PARD3B: variants seen among roughly 807,000 people sequenced by gnomAD.
The protein encoded by PARD3B is partitioning defective 3 homolog B.
PARD3B carries 103 observed loss-of-function variants against 130.2 expected under a neutral mutation model. The ratio of observed to expected loss-of-function variants is 0.79; its 90% CI spans 0.67 to 0.93. The LOEUF is 0.93. PARD3B is among the 40% of genes least tolerant of loss of function. The pLI, the probability that PARD3B is intolerant of heterozygous loss-of-function variation, is 0.00. For synonymous variants in PARD3B, 583 were observed against 553.2 expected (o/e 1.05, Z -0.76); for missense variants, 1,609 against 1,499.2 (o/e 1.07, Z -1.21).
intron 1 of PARD3B, among the ~76,000 whole-genome samples, chr2:204,676,262 A>C (rs1220983214): frequency 6.6e-6 from 1 of 151,926 alleles, no homozygotes; most frequent in East Asian, 1.9e-4. Flanking sequence ...TTTACCTTGG[A>C]GATGAAAGAC....
chr2:205,482,120 C>T (rs765368907), intron 20 of PARD3B, among the ~76,000 whole-genome samples: 1 of 152,052 alleles, frequency 6.6e-6, no homozygotes, highest in African/African-American at 2.4e-5. Flanking sequence ...ATATGAAATG[C>T]GAGGGAATAG....
chr2:204,787,641 G>A (rs1168738332), intron 2 of PARD3B, among the ~76,000 whole-genome samples: 1 of 152,156 alleles, frequency 6.6e-6, no homozygotes, highest in East Asian at 1.9e-4. Flanking sequence ...GCCAATTCAT[G>A]TTCAGGTATC....
Position 205,530,714 on chromosome 2 carries a change from A to G in PARD3B, c.3181-22610A>G, listed in dbSNP as rs2051554092. On this transcript the variant is annotated intron_variant, in intron 21 of 22. Coordinates refer to ENST00000406610, the MANE Select transcript of PARD3B (RefSeq NM_001302769.2). The surrounding 1 kb of genome is among the most constrained non-coding windows in gnomAD (Gnocchi z 4.7). ...GGATTCCTTTCTTTCATAATCCCCT[A>G]CAAAGTGTTGCACATGCTTCCACTG... Among the ~76,000 whole-genome samples the G allele has an allele frequency of 6.6e-6, 1 of 151,550 alleles. No homozygotes were observed. Among genetic ancestry groups the G allele is most frequent in the Admixed American group, 6.6e-5 (1 of 15,246 alleles).
chr2:205,324,867 AC>A (rs2042885421), intron 18 of PARD3B, among the ~76,000 whole-genome samples: 1 of 152,108 alleles, frequency 6.6e-6, no homozygotes, highest in African/African-American at 2.4e-5. Context: ...GTCCGTAGGT[AC>A]CCCAAAATCA....
rs944410342 is a variant in PARD3B, at chr2:205,183,870, G to T, written c.1925-1894G>T. 2.6e-5 allele frequency among the ~76,000 whole-genome samples: 4 copies of T among 151,962 alleles called. No individual in the cohort carries two copies. The highest frequency in any genetic ancestry group is 9.7e-5 in the African/African-American group (4 of 41,392). Reference sequence around the variant, plus strand: ...GTCAGCAAGCTGGGGTTGCAGAAGAGTTGATGGTGCAGATTGAGTCTGAAG... The same window carrying T: ...GTCAGCAAGCTGGGGTTGCAGAAGATTTGATGGTGCAGATTGAGTCTGAAG... On this transcript the variant is annotated intron_variant, in intron 13 of 22. Coordinates refer to ENST00000406610, the MANE Select transcript of PARD3B (RefSeq NM_001302769.2). This position sits in a 1 kb window ranked among gnomAD's most constrained non-coding sequence, Gnocchi z 5.2.
chr2:204,831,533 TAGA>T (rs1449013628), intron 2 of PARD3B, among the ~76,000 whole-genome samples: 3 of 152,184 alleles, frequency 2.0e-5, no homozygotes, highest in African/African-American at 7.2e-5. Context: ...AGAGAAAAAG[TAGA>T]AGATGGTAAT....
chr2:205,377,181 T>G (rs1216574802), intron 18 of PARD3B, among the ~76,000 whole-genome samples: 1 of 152,064 alleles, frequency 6.6e-6, no homozygotes, highest in Non-Finnish European at 1.5e-5. Flanking sequence ...GAGGAAAGGA[T>G]TTAGTGAAAG....
At chr2:205,236,692 G>A (rs1364954890) in intron 15 of PARD3B, among the ~76,000 whole-genome samples, 4 of 152,166 alleles carry the variant, frequency 2.6e-5, no homozygotes, top group African/African-American at 9.7e-5. Context: ...GGAATACAAT[G>A]TGACTTTAAC....
chr2:204,897,495 C>G (rs970123404), intron 2 of PARD3B, among the ~76,000 whole-genome samples: 2 of 143,832 alleles, frequency 1.4e-5, no homozygotes, highest in Non-Finnish European at 3.0e-5. Flanking sequence ...TTTTCTTAAA[C>G]CTTTTCATTT....
intron 22 of PARD3B, among the ~76,000 whole-genome samples, chr2:205,599,084 C>T (rs2054681609): frequency 2.0e-5 from 3 of 152,018 alleles, no homozygotes; most frequent in African/African-American, 7.2e-5. Flanking sequence ...AAACCAACCC[C>T]AAAGCTAGCA....
chr2:205,190,609 C>T (rs948114042), intron 14 of PARD3B, among the ~76,000 whole-genome samples: 9 of 152,154 alleles, frequency 5.9e-5, no homozygotes, highest in Non-Finnish European at 7.4e-5. Flanking sequence ...CAGCTTTGCC[C>T]CTGGCCAGCT....
At chr2:205,185,236 GA>G (rs5837959) in intron 13 of PARD3B, among the ~76,000 whole-genome samples, 8,387 of 151,342 alleles carry the variant, frequency 0.055, 321 homozygotes, top group East Asian at 0.18. Flanking sequence ...GGCACAGATA[GA>G]AAAAAAGAGC....
At chr2:204,756,776 A>G (rs994018024) in intron 2 of PARD3B, among the ~76,000 whole-genome samples, 2 of 152,150 alleles carry the variant, frequency 1.3e-5, no homozygotes, top group Admixed American at 1.3e-4. Flanking sequence ...GATTTTTTAA[A>G]AATTTTAGAT....
intron 3 of PARD3B, among the ~76,000 whole-genome samples, chr2:205,045,112 G>GTTTTTTT (rs201589277): frequency 7.2e-6 from 1 of 138,584 alleles, no homozygotes; most frequent in Non-Finnish European, 1.6e-5. Flanking sequence ...CCATCTTAAA[G>GTTTTTTT]TTTTTTTTTT....
At chr2:205,207,293 T>A in intron 15 of PARD3B, among the ~76,000 whole-genome samples, 1 of 133,114 alleles carries the variant, frequency 7.5e-6, no homozygotes, top group African/African-American at 3.0e-5. Context: ...CACCCTAACA[T>A]CACAATTAAA....
chr2:205,336,411 C>T (rs1179802849), intron 18 of PARD3B, among the ~76,000 whole-genome samples: 1 of 152,150 alleles, frequency 6.6e-6, no homozygotes, highest in Admixed American at 6.5e-5. Context: ...ATCTTATTTC[C>T]CCAGGGGCAA....
chr2:205,382,184 T>C (rs183908423), intron 18 of PARD3B, among the ~76,000 whole-genome samples: 4 of 152,206 alleles, frequency 2.6e-5, no homozygotes, highest in African/African-American at 9.6e-5. Flanking sequence ...CATTGCATTA[T>C]TTGTTGTAAC....
chr2:204,790,908 C>G (rs2125474928), intron 2 of PARD3B, among the ~76,000 whole-genome samples: 1 of 152,012 alleles, frequency 6.6e-6, no homozygotes, highest in South Asian at 2.1e-4. Flanking sequence ...ACTTCGAGAC[C>G]AGCCGGGCCA....
intron 22 of PARD3B, among the ~76,000 whole-genome samples, chr2:205,596,164 C>G (rs1272571179): frequency 2.0e-5 from 3 of 152,088 alleles, no homozygotes; most frequent in Admixed American, 1.3e-4. Context: ...CATTAATAAC[C>G]AGTCTTTACC....
Sources: gnomAD v4.1 joint callset for allele counts (sites outside exome capture counted in the v4.1 genomes callset) on GRCh38, gnomAD v4.1.1 for gene constraint, Gnocchi (gnomAD v3.1) non-coding constraint, MANE v1.5 for transcripts, NCBI Gene and HGNC (gene_info 2026-07-23, HGNC 2026-07-21) for gene names.